ANGEL2: variants seen among roughly 807,000 people sequenced by gnomAD.
ANGEL2 encodes angel homolog 2.
ANGEL2 carries 41 observed loss-of-function variants against 66.0 expected under a neutral mutation model. That is an observed-to-expected ratio of 0.62 (90% CI 0.48 to 0.81). The LOEUF is 0.81. ANGEL2 is among the 30% of genes least tolerant of loss of function. ANGEL2 has a pLI of 0.00. For missense variants in ANGEL2, 561 were observed against 641.6 expected (o/e 0.87, Z 1.36); for synonymous variants, 208 against 226.5 (o/e 0.92, Z 0.73).
intron 4 of ANGEL2, among the ~76,000 whole-genome samples, chr1:213,005,864 G>C (rs569034699): frequency 6.6e-6 from 1 of 152,140 alleles, no homozygotes; most frequent in East Asian, 1.9e-4. Context: ...CCTTTCCCTT[G>C]CTATTTCTGT....
At chr1:213,006,209 C>T (rs2076322997) in intron 4 of ANGEL2, among the ~76,000 whole-genome samples, 1 of 152,104 alleles carries the variant, frequency 6.6e-6, no homozygotes. Context: ...CGCCTATAAT[C>T]CCAGCACTTT....
At chr1:213,015,460 G>A (rs1193583866) in intron 1 of ANGEL2, 153 bp downstream of exon 1, 2 of 1,449,476 alleles carry the variant, frequency 1.4e-6, no homozygotes, top group Non-Finnish European at 1.8e-6. Context: ...GGTCTCTGGA[G>A]GCTCGTCCCG....
rs1008090762 is a variant in ANGEL2 at position 213,001,063 on chromosome 1, C to A, written c.1135-151G>T. 6 of 685,462 alleles carry A rather than the reference C, an allele frequency of 8.8e-6. No individual in the cohort carries two copies. The African/African-American group carries it at 9.5e-5, about 11-fold the overall frequency. The allele number at this position is 685,462 out of a possible 1,614,324, so 42.5% of individuals were successfully genotyped here. A position where few individuals can be genotyped will look rare whatever the true frequency, so the allele number is the denominator to read the frequency against. ...AAGTGATTCTTTGGACTTATAAAATCTTCTTTTCTTTAAATACAATTCAGA... is the reference window on the plus strand; with the variant it reads ...AAGTGATTCTTTGGACTTATAAAATATTCTTTTCTTTAAATACAATTCAGA... On this transcript the variant is annotated intron_variant, in intron 5 of 8. Transcript: ENST00000366962.
At chr1:213,000,277 T>C in intron 7 of ANGEL2, 49 bp downstream of exon 7, 1 of 1,513,266 alleles carries the variant, frequency 6.6e-7, no homozygotes, top group East Asian at 2.3e-5. Flanking sequence ...AATGAGTTTT[T>C]TATTCAACTA....
chr1:213,008,529 A>G, intron 2 of ANGEL2, 63 bp from the exon 3 acceptor site: 1 of 1,530,802 alleles, frequency 6.5e-7, no homozygotes, highest in Non-Finnish European at 8.8e-7. Flanking sequence ...AGTTTCCCAC[A>G]TATATGTATT....
chr1:212,996,621 TC>T (rs367696582), intron 8 of ANGEL2, among the ~76,000 whole-genome samples: 8,069 of 18,388 alleles, frequency 0.44, 1,727 homozygotes, highest in Non-Finnish European at 0.56. Context: ...AGACTCTGTA[TC>T]CAAAAAAAAA....
chr1:212,996,641 ATATAT>A (rs1306449651), intron 8 of ANGEL2, among the ~76,000 whole-genome samples: 3,250 of 62,908 alleles, frequency 0.052, 248 homozygotes, highest in Admixed American at 0.057. Context: ...AAAAAAAAAA[ATATAT>A]ATATATATAT....
In ANGEL2 at chr1:213,005,130, A is replaced by G. The variant is rs1394287190; in HGVS notation, c.1037T>C (p.Ile346Thr). 1 of 1,614,140 alleles carries G rather than the reference A, an allele frequency of 6.2e-7. No homozygotes were observed. ...AHQKDGSFCP[I>T]VMCGDFNSVP... ...AGAATTAAAGTCACCACACATAACA[A>G]TAGGGCAGAAGCTGCCATCTTTCTG... is the stretch of plus-strand genomic sequence containing the variant. The change falls in exon 5 of 9, where the codon ATT (isoleucine) becomes ACT (threonine). Residue 346 changes from isoleucine to threonine, a missense_variant. Physicochemically the swap from Ile to Thr is moderately conservative, Grantham distance 89. Transcript: ENST00000366962.
chr1:213,001,055 T>A, intron 5 of ANGEL2, 143 bp from the exon 6 acceptor site: 1 of 723,150 alleles, frequency 1.4e-6, no homozygotes, highest in Non-Finnish European at 2.1e-6. Context: ...TCTTTGGACT[T>A]ATAAAATCTT....
intron 5 of ANGEL2, among the ~76,000 whole-genome samples, chr1:213,002,936 AT>A (rs1375503943): frequency 1.3e-5 from 2 of 149,274 alleles, no homozygotes; most frequent in East Asian, 2.0e-4. Flanking sequence ...AAAAAAAAAA[AT>A]CTATTATTTA....
At chr1:213,013,048 T>C in intron 2 of ANGEL2, 45 bp downstream of exon 2, 2 of 1,557,256 alleles carry the variant, frequency 1.3e-6, no homozygotes, top group East Asian at 2.2e-5. Context: ...CAATTTAGTC[T>C]ATCACTTGTA....
chr1:213,011,971 C>T (rs569172936), intron 2 of ANGEL2, among the ~76,000 whole-genome samples: 6 of 152,198 alleles, frequency 3.9e-5, no homozygotes, highest in Non-Finnish European at 7.3e-5. Flanking sequence ...TCTTGTTTAT[C>T]TCCCTATGCT....
At chr1:213,011,284 C>T in intron 2 of ANGEL2, 1 of 1,284,356 alleles carries the variant, frequency 7.8e-7, no homozygotes, top group Non-Finnish European at 1.0e-6. Flanking sequence ...TAGGCCTGAT[C>T]AGGTTTTTAG....
At chr1:213,006,315 T>C (rs1572137704) in intron 4 of ANGEL2, among the ~76,000 whole-genome samples, 1 of 152,060 alleles carries the variant, frequency 6.6e-6, no homozygotes, top group South Asian at 2.1e-4. Flanking sequence ...ATTCAAAAAA[T>C]TAGCTGGGCA....
intron 6 of ANGEL2, 61 bp from the exon 7 acceptor site, chr1:213,000,444 C>T: frequency 7.1e-7 from 1 of 1,399,096 alleles, no homozygotes; most frequent in African/African-American, 1.4e-5. Context: ...ATATCGTCAT[C>T]TTACTCTAGA....
At position 213,005,406 on chromosome 1, in the gene ANGEL2, C is replaced by G; in HGVS notation, c.761G>C (p.Cys254Ser). 6.2e-7 allele frequency: 1 copy of G among 1,613,490 alleles called. No homozygotes were observed. The highest frequency in any genetic ancestry group is 8.5e-7 in the Non-Finnish European group (1 of 1,179,622). The change falls in exon 5 of 9, where the codon TGT becomes TCT. Residue 254 changes from cysteine to serine, a missense_variant. Cys to Ser is a moderately radical substitution (Grantham distance 112, BLOSUM62 -1). Transcript: ENST00000366962. ...KMRTGRKPDG[C>S]AICFKHSKFS... ...TTTGGAATGTTTGAAGCAAATAGCA[C>G]AGCCATCAGGTTTCCTTCCTGTCCG... is the stretch of plus-strand genomic sequence containing the variant.
At chr1:212,996,636 A>ATATATATAT (rs1251072343) in intron 8 of ANGEL2, among the ~76,000 whole-genome samples, 33 of 41,934 alleles carry the variant, frequency 7.9e-4, no homozygotes, top group East Asian at 3.8e-3. Context: ...AAAAAAAAAA[A>ATATATATAT]AAAAATATAT....
intron 1 of ANGEL2, chr1:213,015,390 C>T (rs998477760): frequency 1.6e-5 from 23 of 1,422,940 alleles, no homozygotes; most frequent in Non-Finnish European, 2.1e-5. Context: ...CGCGCCAAGA[C>T]CCCAGACCTC....
At chr1:213,003,866 G>A (rs567685373) in intron 5 of ANGEL2, among the ~76,000 whole-genome samples, 40 of 152,260 alleles carry the variant, frequency 2.6e-4, no homozygotes, top group African/African-American at 9.1e-4. Flanking sequence ...ACAATAAAAT[G>A]AAGTATACCT....
Sources: allele counts gnomAD v4.1 joint callset (sites outside exome capture counted in the v4.1 genomes callset), GRCh38; gene constraint gnomAD v4.1.1; transcripts MANE v1.5; gene names NCBI Gene and HGNC (gene_info 2026-07-23, HGNC 2026-07-21).